Variants in TCF12 observed in about 807,000 individuals in gnomAD.
TCF12 encodes DNA-binding protein HTF4.
TCF12 carries 45 observed loss-of-function variants against 86.0 expected under a neutral mutation model. That is an observed-to-expected ratio of 0.52 (90% CI 0.41 to 0.67). TCF12 has a LOEUF of 0.67. Ranked by LOEUF, TCF12 falls within the 30% of genes least tolerant of loss-of-function variation. TCF12 has a pLI of 0.00. For synonymous variants in TCF12, 330 were observed against 299.6 expected (o/e 1.10, Z -1.05); for missense variants, 881 against 859.9 (o/e 1.02, Z -0.31).
At chr15:57,232,146 T>C (rs1417840775) in intron 9 of TCF12, 145 bp from the exon 10 acceptor site, 2 of 795,062 alleles carry the variant, frequency 2.5e-6, no homozygotes, top group South Asian at 1.8e-5. Context: ...TTTTACAGTT[T>C]AGAGGGAAGA....
intron 3 of TCF12, among the ~76,000 whole-genome samples, chr15:56,952,814 AG>A (rs2061341733): frequency 6.6e-6 from 1 of 152,170 alleles, no homozygotes; most frequent in Admixed American, 6.5e-5. Flanking sequence ...CTGTGAATAA[AG>A]ATAATTTTAC....
At chr15:56,977,309 G>A (rs1165375006) in intron 3 of TCF12, among the ~76,000 whole-genome samples, 1 of 152,080 alleles carries the variant, frequency 6.6e-6, no homozygotes, top group East Asian at 1.9e-4. Context: ...GAGGTGGGCG[G>A]ATTGCTTGAG....
At chr15:57,190,258 A>G (rs2056910983) in intron 6 of TCF12, among the ~76,000 whole-genome samples, 2 of 152,208 alleles carry the variant, frequency 1.3e-5, no homozygotes, top group East Asian at 1.9e-4. Context: ...CAACTTTTTA[A>G]AAAGCTCAAA....
chr15:57,117,796 T>G (rs2050945367), intron 5 of TCF12, among the ~76,000 whole-genome samples: 1 of 152,190 alleles, frequency 6.6e-6, no homozygotes, highest in African/African-American at 2.4e-5. Flanking sequence ...TATGAAACTA[T>G]TATTAAAATA....
At chr15:57,011,892 A>G (rs1257352143) in intron 3 of TCF12, among the ~76,000 whole-genome samples, 1 of 152,186 alleles carries the variant, frequency 6.6e-6, no homozygotes, top group Non-Finnish European at 1.5e-5. Context: ...ATTTTGAGAA[A>G]CAGCTATGAA....
intron 3 of TCF12, among the ~76,000 whole-genome samples, chr15:57,063,158 T>C (rs2068592142): frequency 6.6e-6 from 1 of 152,206 alleles, no homozygotes. Flanking sequence ...TTGTGTATAA[T>C]TTTAGAAGAG....
intron 8 of TCF12, among the ~76,000 whole-genome samples, chr15:57,221,992 T>C (rs1322845613): frequency 1.3e-5 from 2 of 152,070 alleles, no homozygotes; most frequent in Non-Finnish European, 2.9e-5. Flanking sequence ...AATATATGTC[T>C]TCACTTAAGT....
In TCF12 at chr15:57,002,437, AACAAATAT is replaced by A. The variant is rs545049848; in HGVS notation, c.149-61312_149-61305del. On this transcript the variant is annotated intron_variant, in intron 3 of 20. Coordinates refer to ENST00000333725, the MANE Select transcript of TCF12 (RefSeq NM_207037.2). ...TTATTTACTATATAAAGTCTATTAA[AACAAATAT>A]TATCCACCTAACACATATATCTTCA... Among the ~76,000 whole-genome samples, 547 of 152,328 alleles carry A rather than the reference AACAAATAT, an allele frequency of 3.6e-3. 4 individuals are homozygous for A. The highest frequency in any genetic ancestry group is 0.013 in the African/African-American group (521 of 41,556).
At chr15:57,127,061 C>T (rs968100224) in intron 5 of TCF12, among the ~76,000 whole-genome samples, 1 of 150,712 alleles carries the variant, frequency 6.6e-6, no homozygotes, top group Admixed American at 6.6e-5. Flanking sequence ...CAGCTCACTG[C>T]AACCTCCACC....
chr15:56,942,838 A>G (rs924795734), intron 3 of TCF12, among the ~76,000 whole-genome samples: 7 of 152,096 alleles, frequency 4.6e-5, no homozygotes, highest in Non-Finnish European at 1.0e-4. Context: ...TGAACGTATT[A>G]TTTGCAGAGG....
chr15:57,224,452 T>G (rs2058771956), intron 8 of TCF12, among the ~76,000 whole-genome samples: 1 of 152,080 alleles, frequency 6.6e-6, no homozygotes, highest in Non-Finnish European at 1.5e-5. Context: ...AGAAAACCAG[T>G]GATATGCCCA....
intron 20 of TCF12, among the ~76,000 whole-genome samples, chr15:57,283,942 T>G (rs1363566170): frequency 6.6e-6 from 1 of 152,146 alleles, no homozygotes; most frequent in Non-Finnish European, 1.5e-5. Flanking sequence ...AAGGCAGTTA[T>G]TTCGTAAGTC....
At chr15:57,170,738 A>AT (rs1567559412) in intron 6 of TCF12, among the ~76,000 whole-genome samples, 18 of 1,608 alleles carry the variant, frequency 0.011, no homozygotes, top group South Asian at 0.048. Context: ...ATTATATATA[A>AT]TATATATTAT....
Position 57,273,376 on chromosome 15 carries a change from T to C in TCF12, c.1978+114T>C, listed in dbSNP as rs936257646. On this transcript the variant is annotated intron_variant, in intron 19 of 20. Coordinates refer to ENST00000333725, the MANE Select transcript of TCF12 (RefSeq NM_207037.2). Reference sequence around the variant, plus strand: ...GTTTGTTATTTCTCCCAGTACTTCTTCTACTGTATCATCAGGGTCGTTTTT... The same window carrying C: ...GTTTGTTATTTCTCCCAGTACTTCTCCTACTGTATCATCAGGGTCGTTTTT... 1.2e-5 allele frequency: 13 copies of C among 1,060,556 alleles called. No individual in the cohort carries two copies. The African/African-American group carries it at 2.1e-4, about 17-fold the overall frequency. The allele number at this position is 1,060,556 out of a possible 1,614,324, so 65.7% of individuals were successfully genotyped here. A position where few individuals can be genotyped will look rare whatever the true frequency, so the allele number is the denominator to read the frequency against.
At chr15:57,240,890 A>AAAAG in intron 12 of TCF12, among the ~76,000 whole-genome samples, 1 of 150,974 alleles carries the variant, frequency 6.6e-6, no homozygotes, top group African/African-American at 2.4e-5. Flanking sequence ...AAAAAAAAAA[A>AAAAG]AAAAAAAAAA....
intron 18 of TCF12, among the ~76,000 whole-genome samples, chr15:57,267,199 TAAAACTA>T (rs1371695822): frequency 1.3e-5 from 2 of 152,224 alleles, no homozygotes; most frequent in Non-Finnish European, 2.9e-5. Context: ...GGATGGTAGA[TAAAACTA>T]AAAGAAGCAG....
At chr15:57,247,528 A>G in intron 13 of TCF12, 1 of 894,448 alleles carries the variant, frequency 1.1e-6, no homozygotes, top group Non-Finnish European at 1.8e-6. Context: ...CATGATCATC[A>G]AAAGTTATAA....
intron 6 of TCF12, among the ~76,000 whole-genome samples, chr15:57,186,107 A>G (rs1171578792): frequency 6.6e-6 from 1 of 152,250 alleles, no homozygotes; most frequent in Non-Finnish European, 1.5e-5. Context: ...TCCTAGATAT[A>G]AACACACTAC....
intron 5 of TCF12, among the ~76,000 whole-genome samples, chr15:57,117,959 G>A (rs561039838): frequency 5.3e-5 from 8 of 152,048 alleles, no homozygotes; most frequent in Admixed American, 2.6e-4. Context: ...ATTAAGTTTT[G>A]TTGTTGATAA....
Sources: allele counts gnomAD v4.1 joint callset (sites outside exome capture counted in the v4.1 genomes callset), GRCh38; gene constraint gnomAD v4.1.1; transcripts MANE v1.5; gene names NCBI Gene and HGNC (gene_info 2026-07-23, HGNC 2026-07-21).